The following PTK2B variants were observed in gnomAD, a reference collection of about 807,000 sequenced individuals.
PTK2B encodes the protein protein tyrosine kinase 2 beta, also known as protein-tyrosine kinase 2-beta.
PTK2B carries 71 observed loss-of-function variants against 142.9 expected under a neutral mutation model. That is an observed-to-expected ratio of 0.50 (90% CI 0.41 to 0.61). The LOEUF is 0.61. Among genes scored for constraint, PTK2B ranks in the 20% least tolerant of loss-of-function variants. The pLI, the probability that PTK2B is intolerant of heterozygous loss-of-function variation, is 0.00. For synonymous variants in PTK2B, 519 were observed against 503.4 expected, an observed-to-expected ratio of 1.03 and a Z score of -0.42; for missense variants, 1,105 against 1,320.4, an observed-to-expected ratio of 0.84 and a Z score of 2.53.
At chr8:27,369,716 C>T (rs374509854) in intron 1 of PTK2B, among the ~76,000 whole-genome samples, 18 of 138,200 alleles carry the variant, frequency 1.3e-4, no homozygotes, top group Middle Eastern at 6.4e-3. Context: ...AGCTCATGCC[C>T]GTAATCCCAG....
intron 2 of PTK2B, among the ~76,000 whole-genome samples, chr8:27,400,110 A>G (rs982971797): frequency 2.0e-5 from 3 of 152,218 alleles, no homozygotes; most frequent in Non-Finnish European, 4.4e-5. Context: ...TCAAATAAAG[A>G]AGTAATATGA....
chr8:27,421,472 CTT>C (rs1809750083), intron 4 of PTK2B, among the ~76,000 whole-genome samples: 1 of 152,204 alleles, frequency 6.6e-6, no homozygotes, highest in African/African-American at 2.4e-5. Flanking sequence ...CCTTCCCACT[CTT>C]TCCCCAGAGT....
chr8:27,332,385 A>C (rs1164090837), intron 1 of PTK2B, among the ~76,000 whole-genome samples: 1 of 152,156 alleles, frequency 6.6e-6, no homozygotes, highest in Non-Finnish European at 1.5e-5. Context: ...TTGTCCCAGG[A>C]AAAGTGATGA....
intron 1 of PTK2B, among the ~76,000 whole-genome samples, chr8:27,339,857 C>T (rs1302630858): frequency 6.6e-6 from 1 of 152,186 alleles, no homozygotes; most frequent in Non-Finnish European, 1.5e-5. Context: ...CATTCAGATC[C>T]CTTCTGTAGA....
chr8:27,437,845 C>T lies in PTK2B; in HGVS notation c.1608C>T (p.Ala536=). The part of the protein sequence containing the change: ...LVLYSLQICK[A]MAYLESINCV... ...TGTACTCACTGCAGATATGCAAAGC[C>T]ATGGCCTACCTGGAGAGCATCAACT... The change falls in exon 18 of 31, where the codon GCC becomes GCT. Residue 536 remains alanine, a synonymous_variant. Transcript: ENST00000346049. 2 of 1,613,374 alleles carry T rather than the reference C, an allele frequency of 1.2e-6. No individual in the cohort carries two copies.
intron 1 of PTK2B, among the ~76,000 whole-genome samples, chr8:27,365,563 T>TCCTA (rs1170526779): frequency 6.6e-6 from 1 of 152,224 alleles, no homozygotes; most frequent in Non-Finnish European, 1.5e-5. Context: ...ATCTGCCATT[T>TCCTA]CCTACCTCTG....
intron 1 of PTK2B, among the ~76,000 whole-genome samples, chr8:27,332,040 A>G (rs1029970463): frequency 3.3e-5 from 5 of 152,100 alleles, no homozygotes; most frequent in Non-Finnish European, 7.4e-5. Context: ...CCCCTCCGCT[A>G]TTTAGGCAGA....
chr8:27,451,444 C>T (rs2278319), intron 26 of PTK2B, 41 bp from the exon 27 acceptor site: 401,887 of 1,611,746 alleles, frequency 0.25, 52,175 homozygotes, highest in Admixed American at 0.31. Flanking sequence ...TCTCCACAGC[C>T]GCATGAGTGA....
intron 2 of PTK2B, chr8:27,312,410 C>G (rs1802997603): frequency 1.3e-5 from 2 of 152,092 alleles, no homozygotes; most frequent in Admixed American, 1.3e-4. Context: ...AACTTGGGGC[C>G]CCTCTCCTGT....
intron 1 of PTK2B, among the ~76,000 whole-genome samples, chr8:27,331,203 T>A (rs1803728217): frequency 6.6e-6 from 1 of 152,170 alleles, no homozygotes; most frequent in Non-Finnish European, 1.5e-5. Context: ...ATTCTCCCAA[T>A]AATTGTGGGG....
At chr8:27,322,797 C>T (rs948844055), upstream of PTK2B, 2 of 140,420 alleles carry the variant, frequency 1.4e-5, no homozygotes, top group Non-Finnish European at 2.9e-5. Context: ...CAAATCAGTC[C>T]TCTTTCAACC....
At chr8:27,319,773 C>T (rs1803171215) in intron 3 of PTK2B, among the ~76,000 whole-genome samples, 1 of 151,994 alleles carries the variant, frequency 6.6e-6, no homozygotes, top group East Asian at 1.9e-4. Context: ...GTAAATTAAT[C>T]CCATTTTATA....
Position 27,458,466 on chromosome 8 carries a change from A to G in PTK2B, c.2987A>G (p.Gln996Arg), listed in dbSNP as rs1406457750. ...DAKNLLDAVD[Q>R]AKVLANLAHP... ...AAGAACCTGCTCGACGCTGTGGACC[A>G]GGCCAAGGTTCTGGCCAATCTGGCC... The change falls in exon 31 of 31, where the codon CAG (glutamine) becomes CGG (arginine). Residue 996 changes from glutamine to arginine, a missense_variant. Gln to Arg is a conservative substitution (Grantham distance 43, BLOSUM62 1). Transcript: ENST00000346049. 1 of 1,598,488 alleles carries G rather than the reference A, an allele frequency of 6.3e-7. No individual in the cohort carries two copies. Among genetic ancestry groups the G allele is most frequent in the South Asian group, 1.1e-5 (1 of 88,908 alleles).
At chr8:27,322,698 C>T (rs867261901), upstream of PTK2B, 8 of 152,148 alleles carry the variant, frequency 5.3e-5, no homozygotes, top group Non-Finnish European at 7.4e-5. Context: ...AAGATGGATT[C>T]GCATGTCCAA....
chr8:27,364,026 C>G (rs1805872350), intron 1 of PTK2B, among the ~76,000 whole-genome samples: 1 of 152,214 alleles, frequency 6.6e-6, no homozygotes, highest in African/African-American at 2.4e-5. Context: ...GCTCTCCACA[C>G]ACTCTACATA....
chr8:27,351,192 A>C (rs1689847695), intron 1 of PTK2B, among the ~76,000 whole-genome samples: 1 of 149,474 alleles, frequency 6.7e-6, no homozygotes, highest in Admixed American at 6.7e-5. Flanking sequence ...TGACAGAGCA[A>C]GACCCTGTCT....
intron 1 of PTK2B, among the ~76,000 whole-genome samples, chr8:27,374,740 G>A (rs1027671744): frequency 1.3e-5 from 2 of 152,170 alleles, no homozygotes; most frequent in Non-Finnish European, 2.9e-5. Context: ...GGCTGGCTCT[G>A]GGAGAAGCAG....
intron 1 of PTK2B, among the ~76,000 whole-genome samples, chr8:27,370,169 G>T (rs77067195): frequency 0.02 from 3,010 of 152,260 alleles, 103 homozygotes; most frequent in African/African-American, 0.068. Flanking sequence ...GAACAGCTGT[G>T]TTGTATTGAA....
At position 27,446,982 on chromosome 8, in the gene PTK2B, T is replaced by C. The variant is rs576338102; in HGVS notation, c.2340+1063T>C. 2.6e-5 allele frequency among the ~76,000 whole-genome samples: 4 copies of C among 152,372 alleles called. No homozygotes were observed. In the East Asian group the frequency reaches 7.7e-4, roughly 29 times the overall value. ...GCTTAACAATAATAAACTACATTTT[T>C]AGGCATGTGCTATAATTTAGGCTGT... On this transcript the variant is annotated intron_variant, in intron 24 of 30. Coordinates refer to ENST00000346049, the MANE Select transcript of PTK2B (RefSeq NM_173176.3).
Sources: allele counts gnomAD v4.1 joint callset (sites outside exome capture counted in the v4.1 genomes callset), GRCh38; gene constraint gnomAD v4.1.1; transcripts MANE v1.5; gene names NCBI Gene and HGNC (gene_info 2026-07-23, HGNC 2026-07-21).